The following SLC4A4 variants were observed in gnomAD, a reference collection of about 807,000 sequenced individuals.
SLC4A4 encodes the protein electrogenic sodium bicarbonate cotransporter 1.
In SLC4A4, 27 loss-of-function variants were observed where a neutral mutation model predicts 111.5. The ratio of observed to expected loss-of-function variants is 0.24; its 90% CI spans 0.18 to 0.33. The LOEUF (loss-of-function observed/expected upper bound fraction) is 0.33. Among genes scored for constraint, SLC4A4 ranks in the 10% least tolerant of loss-of-function variants. The pLI, the probability that SLC4A4 is intolerant of heterozygous loss-of-function variation, is 1.00. For missense variants in SLC4A4, 909 were observed against 1,315.5 expected (o/e 0.69, Z 4.78); for synonymous variants, 443 against 463.4 (o/e 0.96, Z 0.57).
chr4:71,512,901 A>G (rs1732057519), intron 16 of SLC4A4, among the ~76,000 whole-genome samples: 1 of 152,144 alleles, frequency 6.6e-6, no homozygotes, highest in Non-Finnish European at 1.5e-5. Flanking sequence ...ACTTTACCCA[A>G]TGTAAGTTCT....
intron 2 of SLC4A4, among the ~76,000 whole-genome samples, chr4:71,129,117 A>T (rs914438320): frequency 1.4e-4 from 21 of 152,224 alleles, no homozygotes; most frequent in African/African-American, 5.1e-4. Context: ...GACAAATGGG[A>T]TCTAATTAAA....
At chr4:71,112,473 T>A (rs762973600) in intron 2 of SLC4A4, among the ~76,000 whole-genome samples, 2 of 152,180 alleles carry the variant, frequency 1.3e-5, no homozygotes, top group Non-Finnish European at 2.9e-5. Flanking sequence ...ACTTGATAAC[T>A]GAGATGATGG....
intron 3 of SLC4A4, among the ~76,000 whole-genome samples, chr4:71,334,523 G>A (rs1035883941): frequency 6.6e-6 from 1 of 152,072 alleles, no homozygotes; most frequent in East Asian, 1.9e-4. Context: ...CTGGTGTCTC[G>A]CTAAGTCATA....
At chr4:71,440,494 A>C in intron 7 of SLC4A4, 122 bp from the exon 8 acceptor site, 1 of 1,077,712 alleles carries the variant, frequency 9.3e-7, no homozygotes, top group Non-Finnish European at 1.4e-6. Context: ...TCAATTTGTA[A>C]AAAGGAATTT....
chr4:71,325,267 A>G (rs1472968768), intron 3 of SLC4A4, among the ~76,000 whole-genome samples: 3 of 151,946 alleles, frequency 2.0e-5, no homozygotes, highest in Admixed American at 2.0e-4. Flanking sequence ...GTTCAATGCA[A>G]TTAGTTTGGT....
chr4:71,188,200 C>T (rs555122930), intron 1 of SLC4A4, among the ~76,000 whole-genome samples: 109 of 152,206 alleles, frequency 7.2e-4, no homozygotes, highest in African/African-American at 2.6e-3. Context: ...GCAGCAAGCA[C>T]CATAAAGACA....
chr4:71,161,965 T>A (rs976351977), intron 2 of SLC4A4, among the ~76,000 whole-genome samples: 1 of 152,180 alleles, frequency 6.6e-6, no homozygotes. Context: ...ACTAATTGGG[T>A]ATAGAATTAC....
chr4:71,559,247 T>A (rs1333777077), intron 22 of SLC4A4, among the ~76,000 whole-genome samples: 1 of 151,864 alleles, frequency 6.6e-6, no homozygotes, highest in Non-Finnish European at 1.5e-5. Context: ...GCATATTAAT[T>A]TTAATATAGA....
At chr4:71,223,359 C>A (rs1718863131) in intron 1 of SLC4A4, among the ~76,000 whole-genome samples, 1 of 151,740 alleles carries the variant, frequency 6.6e-6, no homozygotes, top group Admixed American at 6.6e-5. Context: ...GTATTTTTAG[C>A]AGAGACGGGT....
At chr4:71,324,823 A>G (rs571340702) in intron 3 of SLC4A4, among the ~76,000 whole-genome samples, 1 of 152,066 alleles carries the variant, frequency 6.6e-6, no homozygotes, top group South Asian at 2.1e-4. Context: ...TGTCTGAGTA[A>G]ACTCTAGTTT....
chr4:71,351,866 C>T (rs1409526528), intron 5 of SLC4A4, among the ~76,000 whole-genome samples: 2 of 152,100 alleles, frequency 1.3e-5, no homozygotes, highest in Non-Finnish European at 2.9e-5. Context: ...GTAAATGAGA[C>T]AAGGTACATG....
At chr4:71,130,145 A>G (rs1030214844) in intron 2 of SLC4A4, among the ~76,000 whole-genome samples, 3 of 152,168 alleles carry the variant, frequency 2.0e-5, no homozygotes, top group African/African-American at 4.8e-5. Context: ...AAAAGTTAAA[A>G]ATGAATCCTC....
At chr4:71,100,965 A>G (rs1742711420) in intron 2 of SLC4A4, among the ~76,000 whole-genome samples, 2 of 152,202 alleles carry the variant, frequency 1.3e-5, no homozygotes, top group African/African-American at 4.8e-5. Context: ...AAACGGAAAA[A>G]CATGCCATGC....
At chr4:71,499,014 C>T (rs569939707) in intron 16 of SLC4A4, among the ~76,000 whole-genome samples, 2 of 152,246 alleles carry the variant, frequency 1.3e-5, no homozygotes, top group East Asian at 3.9e-4. Context: ...TCTTGATACA[C>T]CTCTTCAACT....
At chr4:71,560,443 T>C (rs1381760687) in intron 23 of SLC4A4, among the ~76,000 whole-genome samples, 189 bp downstream of exon 23, 1 of 151,778 alleles carries the variant, frequency 6.6e-6, no homozygotes, top group African/African-American at 2.4e-5. Flanking sequence ...CTGAATTCTT[T>C]CTGTAACCAT....
chr4:71,409,006 T>G (rs1721120153), intron 7 of SLC4A4, among the ~76,000 whole-genome samples: 1 of 152,246 alleles, frequency 6.6e-6, no homozygotes. Flanking sequence ...CTGCTTTTGC[T>G]TCTTGCTCAT....
intron 14 of SLC4A4, among the ~76,000 whole-genome samples, chr4:71,484,361 G>A (rs1256027168): frequency 6.6e-6 from 1 of 151,792 alleles, no homozygotes; most frequent in African/African-American, 2.4e-5. Flanking sequence ...TGTTGCATAA[G>A]GAAGAGGTCC....
At chr4:71,333,943 A>G (rs752219997) in intron 3 of SLC4A4, among the ~76,000 whole-genome samples, 2 of 151,454 alleles carry the variant, frequency 1.3e-5, no homozygotes, top group Non-Finnish European at 3.0e-5. Context: ...GCAGGTCCAG[A>G]AATGCTGTCT....
chr4:71,085,757 T>C (rs982589702), intron 1 of SLC4A4, among the ~76,000 whole-genome samples: 1 of 152,052 alleles, frequency 6.6e-6, no homozygotes, highest in Non-Finnish European at 1.5e-5. Context: ...TCTGTTCCAT[T>C]GGTCTATATC....
Sources: allele counts gnomAD v4.1 joint callset (sites outside exome capture counted in the v4.1 genomes callset), GRCh38; gene constraint gnomAD v4.1.1; transcripts MANE v1.5; gene names NCBI Gene and HGNC (gene_info 2026-07-23, HGNC 2026-07-21).